Variants in TNRC6C observed in about 807,000 individuals in gnomAD.
TNRC6C encodes trinucleotide repeat-containing gene 6C protein.
A neutral mutation model predicts 153.7 loss-of-function variants in TNRC6C; 20 were observed. The ratio of observed to expected loss-of-function variants is 0.13; its 90% CI spans 0.09 to 0.19. The LOEUF is 0.19. Ranked by LOEUF, TNRC6C falls within the 10% of genes least tolerant of loss-of-function variation. The pLI is 1.00. For missense variants in TNRC6C, 1,987 were observed against 2,172.0 expected (o/e 0.91, Z 1.69); for synonymous variants, 811 against 841.4 (o/e 0.96, Z 0.63).
At chr17:77,972,992 G>A (rs767479121) in intron 1 of TNRC6C, among the ~76,000 whole-genome samples, 7 of 152,090 alleles carry the variant, frequency 4.6e-5, no homozygotes, top group Non-Finnish European at 8.8e-5. Context: ...CACAACCTCC[G>A]CCTCCCAGGT....
chr17:78,097,912 A>T (rs2073517129), intron 16 of TNRC6C, 51 bp downstream of exon 19: 1 of 1,406,906 alleles, frequency 7.1e-7, no homozygotes, highest in Non-Finnish European at 9.6e-7. Context: ...TCTTTTCCCA[A>T]ACAAAACTTT....
At chr17:78,051,090 G>C (rs1275464801) in exon 3 of TNRC6C, 2 of 1,598,708 alleles carry the variant, frequency 1.3e-6, no homozygotes, top group East Asian at 4.5e-5. Context: ...ACAACAATGT[G>C]AGTAACTGGG....
At chr17:78,013,704 A>C (rs181655182) in intron 1 of TNRC6C, among the ~76,000 whole-genome samples, 2 of 152,106 alleles carry the variant, frequency 1.3e-5, no homozygotes, top group East Asian at 3.8e-4. Context: ...GAGTTGTGGA[A>C]GGTATCATTG....
At position 78,050,916 on chromosome 17, in the gene TNRC6C, A is replaced by T. The variant is rs190384092; in HGVS notation, c.1854A>T (p.Gly618=). The T allele has an allele frequency of 1.4e-5, 23 of 1,613,918 alleles. No individual in the cohort carries two copies. The East Asian group carries it at 4.2e-4, about 30-fold the overall frequency. Residue 618 remains glycine (G), a synonymous_variant, in exon 3 of 20, where the codon GGA becomes GGT. Transcript: ENST00000301624. ...GGGATGGGAAAAAAAATGGATCTGG[A>T]TGGGATGCTGACAGTAATAGGTCAG...
At chr17:78,007,893 G>A (rs1209613579) in intron 1 of TNRC6C, among the ~76,000 whole-genome samples, 1 of 152,156 alleles carries the variant, frequency 6.6e-6, no homozygotes, top group Non-Finnish European at 1.5e-5. Context: ...CATTCGTAAA[G>A]CCATGCCCCA....
chr17:77,967,924 T>C (rs184099686), intron 1 of TNRC6C, among the ~76,000 whole-genome samples: 2 of 152,316 alleles, frequency 1.3e-5, no homozygotes, highest in Admixed American at 1.3e-4. Context: ...TAAAAAGAGA[T>C]TGTCAGTATT....
chr17:78,050,066 C>T (rs780577701), exon 3 of TNRC6C: 5 of 1,610,696 alleles, frequency 3.1e-6, no homozygotes, highest in South Asian at 1.1e-5. Flanking sequence ...AGCCGAAGCA[C>T]CTCTAACGGT....
intron 1 of TNRC6C, among the ~76,000 whole-genome samples, chr17:77,990,645 T>C (rs1484409122): frequency 6.6e-6 from 1 of 152,216 alleles, no homozygotes; most frequent in African/African-American, 2.4e-5. Flanking sequence ...CCTGCACTTC[T>C]TATTAGCATG....
intron 2 of TNRC6C, among the ~76,000 whole-genome samples, chr17:78,042,294 TGTTGTG>T (rs1333802677): frequency 6.6e-6 from 1 of 152,142 alleles, no homozygotes; most frequent in African/African-American, 2.4e-5. Flanking sequence ...GATAATAGAA[TGTTGTG>T]GTGGGAAGAG....
exon 9 of TNRC6C, chr17:78,077,306 G>T: frequency 6.3e-7 from 1 of 1,579,846 alleles, no homozygotes; most frequent in Non-Finnish European, 8.6e-7. Context: ...TCCGGGCTGG[G>T]CATGCAAAAC....
chr17:78,049,817 C>A lies in TNRC6C; in HGVS notation c.755C>A (p.Ser252Tyr). Residue 252 changes from serine (S) to tyrosine (Y), a missense_variant, in exon 3 of 20, where the codon TCC (serine) becomes TAC (tyrosine). By Grantham distance (144) the Ser-to-Tyr change is moderately radical. Transcript: ENST00000301624. The surrounding 1 kb of genome is among the most constrained non-coding windows in gnomAD (Gnocchi z 4.1). ...ATAAGCAATTCTGTGTGGGGACTGT[C>A]CCCAGGTAACCCTGCCACAGGAAAT... 1 of 1,610,902 alleles carries A rather than the reference C, an allele frequency of 6.2e-7. No individual in the cohort carries two copies. Among genetic ancestry groups the A allele is most frequent in the South Asian group, 1.1e-5 (1 of 90,636 alleles).
At chr17:77,974,261 T>C (rs2144076517) in intron 1 of TNRC6C, among the ~76,000 whole-genome samples, 1 of 152,282 alleles carries the variant, frequency 6.6e-6, no homozygotes, top group South Asian at 2.1e-4. Flanking sequence ...AATACACATG[T>C]CACCAAAAAA....
At chr17:78,042,047 C>T (rs1011879604) in intron 2 of TNRC6C, among the ~76,000 whole-genome samples, 2 of 152,110 alleles carry the variant, frequency 1.3e-5, no homozygotes, top group African/African-American at 2.4e-5. Context: ...AAAATTTTAT[C>T]TTTATATGCT....
At chr17:78,083,615 C>G (rs1482627913) in intron 11 of TNRC6C, among the ~76,000 whole-genome samples, 1 of 152,170 alleles carries the variant, frequency 6.6e-6, no homozygotes, top group Admixed American at 6.5e-5. Context: ...CACAAAAAAT[C>G]ATTTGAGTGA....
chr17:77,998,811 T>G (rs1348613794), intron 1 of TNRC6C, among the ~76,000 whole-genome samples: 1 of 152,228 alleles, frequency 6.6e-6, no homozygotes, highest in African/African-American at 2.4e-5. Context: ...CATAGTCTGG[T>G]TCTTTGTATG....
chr17:78,101,488 C>T (rs1182313020), intron 17 of TNRC6C, among the ~76,000 whole-genome samples: 1 of 152,156 alleles, frequency 6.6e-6, no homozygotes, highest in African/African-American at 2.4e-5. Flanking sequence ...CGTGCCAAGA[C>T]CAGCTTGATC....
At chr17:78,086,672 A>G (rs2144501719) in intron 12 of TNRC6C, 86 bp downstream of exon 14, 2 of 1,558,290 alleles carry the variant, frequency 1.3e-6, no homozygotes, top group Non-Finnish European at 1.8e-6. Flanking sequence ...TTAGATGATC[A>G]TTGATTTTTC....
intron 1 of TNRC6C, among the ~76,000 whole-genome samples, chr17:78,028,164 G>C (rs1417168498): frequency 1.3e-5 from 2 of 152,178 alleles, no homozygotes; most frequent in Non-Finnish European, 2.9e-5. Flanking sequence ...CAAAGTGCTG[G>C]GATTACAGGC....
At chr17:77,958,211 G>A (rs2070824841), upstream of TNRC6C, among the ~76,000 whole-genome samples, 1 of 152,058 alleles carries the variant, frequency 6.6e-6, no homozygotes. Flanking sequence ...GGCGCCGCGG[G>A]GCGCTGGCCC....
Sources: allele counts gnomAD v4.1 joint callset (sites outside exome capture counted in the v4.1 genomes callset), GRCh38; gene constraint gnomAD v4.1.1; non-coding constraint Gnocchi (gnomAD v3.1); transcripts MANE v1.5; gene names NCBI Gene and HGNC (gene_info 2026-07-23, HGNC 2026-07-21).